Variants in THSD1 observed in about 807,000 individuals in gnomAD.
THSD1 encodes thrombospondin type-1 domain-containing protein 1.
A neutral mutation model predicts 46.3 loss-of-function variants in THSD1; 34 were observed. That is an observed-to-expected ratio of 0.74 (90% CI 0.56 to 0.98). The LOEUF (loss-of-function observed/expected upper bound fraction) is 0.98, where lower values mean the gene tolerates loss of function less well. Ranked by LOEUF, THSD1 falls within the 50% of genes least tolerant of loss-of-function variation. The probability of loss-of-function intolerance (pLI) is 0.00; values close to 1 mark genes in which losing one functional copy is unlikely to be tolerated. For synonymous variants in THSD1, 407 were observed against 416.5 expected, an observed-to-expected ratio of 0.98 and a Z score of 0.28; for missense variants, 1,023 against 1,058.3, an observed-to-expected ratio of 0.97 and a Z score of 0.46.
chr13:52,377,702 G>T lies in THSD1; in HGVS notation c.2268C>A (p.Pro756=). 6.2e-6 allele frequency: 10 copies of T among 1,612,060 alleles called. No individual in the cohort carries two copies. Among genetic ancestry groups the T allele is most frequent in the Non-Finnish European group, 8.5e-6 (10 of 1,178,498 alleles). Residue 756 remains proline (P), a synonymous_variant, in exon 5 of 5, where the codon CCC becomes CCA. Transcript: ENST00000258613. ...GGGACGGTCCCCGACGAGCTCTGTGGGGCTCTGTTCTCTCAATTCCGGCCA... is the reference window on the plus strand; with the variant it reads ...GGGACGGTCCCCGACGAGCTCTGTGTGGCTCTGTTCTCTCAATTCCGGCCA... ...GLVAGIERTE[P]HRARRGPSPS...
At chr13:52,392,182 ACTC>A (rs1335396928) in intron 3 of THSD1, among the ~76,000 whole-genome samples, 1 of 109,688 alleles carries the variant, frequency 9.1e-6, no homozygotes, top group Non-Finnish European at 1.8e-5. Context: ...AGAGAGTGAG[ACTC>A]CTCTCAAAAA....
intron 3 of THSD1, among the ~76,000 whole-genome samples, chr13:52,390,454 A>G (rs1440631920): frequency 6.6e-6 from 1 of 152,204 alleles, no homozygotes; most frequent in Non-Finnish European, 1.5e-5. Flanking sequence ...AGTATCCTGG[A>G]CCAACATCAA....
In THSD1 at chr13:52,382,856, G is replaced by C. The variant is rs1274449374; in HGVS notation, c.1180+3172C>G. Among the ~76,000 whole-genome samples the C allele has an allele frequency of 2.6e-5, 4 of 152,062 alleles. No homozygotes were observed. In the South Asian group the frequency reaches 6.2e-4, roughly 24 times the overall value. On this transcript the variant is annotated intron_variant, in intron 4 of 4. Transcript: ENST00000258613. ...TCTCTACTAAAAATACAAAAACTTA[G>C]CCGGGTGTGGTGGTGTGCACCTGTA...
At position 52,377,318 on chromosome 13, in the gene THSD1, C is replaced by T. The variant is rs1450032600; in HGVS notation, c.*93G>A. On this transcript the variant is annotated 3_prime_UTR_variant, in exon 5 of 5. Coordinates refer to ENST00000258613, the MANE Select transcript of THSD1 (RefSeq NM_018676.4). ...CCTCCTCTGTGTGTTACTTCCTCCT[C>T]ACATTCTGTCCTACGGTACAAATAG... The T allele has an allele frequency of 7.1e-7, 1 of 1,413,200 alleles. No individual in the cohort carries two copies. Among genetic ancestry groups the T allele is most frequent in the Admixed American group, 3.0e-5 (1 of 32,854 alleles). The allele number at this position is 1,413,200 out of a possible 1,614,324, so 87.5% of individuals were successfully genotyped here.
chr13:52,397,853 A>C lies in THSD1; in HGVS notation c.400T>G (p.Leu134Val). ...TCTGCTGCCTTGGCACTCCTATTCA[A>C]GTCAACGTGAAAGACAGGCCATTCC... ...KVEWPVFHVD[L>V]NRSAKAAEGT... Residue 134 changes from leucine to valine, a missense_variant, in exon 3 of 5, where the codon TTG (leucine) becomes GTG (valine). Physicochemically the swap from Leu to Val is conservative, Grantham distance 32. Around this residue, in one of 3 missense-constraint regions of THSD1, gnomAD observed 429 missense variants for 518.3 expected, o/e 0.83. Transcript: ENST00000258613. 3 of 1,614,250 alleles carry C rather than the reference A, an allele frequency of 1.9e-6. No individual in the cohort carries two copies. Among genetic ancestry groups the C allele is most frequent in the Non-Finnish European group, 2.5e-6 (3 of 1,180,052 alleles).
At chr13:52,391,442 T>C (rs1214655392) in intron 3 of THSD1, among the ~76,000 whole-genome samples, 1 of 151,878 alleles carries the variant, frequency 6.6e-6, no homozygotes, top group Non-Finnish European at 1.5e-5. Context: ...GGTCTCAAAC[T>C]CCTGAGCTCA....
At chr13:52,393,991 C>T (rs1957791918) in intron 3 of THSD1, among the ~76,000 whole-genome samples, 1 of 152,136 alleles carries the variant, frequency 6.6e-6, no homozygotes, top group Non-Finnish European at 1.5e-5. Flanking sequence ...CTGCCCCCAG[C>T]CCTATTGTTC....
intron 1 of THSD1, among the ~76,000 whole-genome samples, chr13:52,403,119 C>T (rs889483439): frequency 7.2e-5 from 11 of 152,216 alleles, no homozygotes; most frequent in Middle Eastern, 3.4e-3. Context: ...CCAAATGCTC[C>T]CTGCCTGGCG....
At position 52,386,092 on chromosome 13, in the gene THSD1, G is replaced by A. The variant is rs1411761809; in HGVS notation, c.1116C>T (p.Pro372=). The A allele has an allele frequency of 5.0e-6, 8 of 1,613,992 alleles. No individual in the cohort carries two copies. Among genetic ancestry groups the A allele is most frequent in the Non-Finnish European group, 5.1e-6 (6 of 1,180,002 alleles). Residue 372 remains proline (P), a synonymous_variant, in exon 4 of 5, where the codon CCC becomes CCT. Coordinates refer to ENST00000258613, the MANE Select transcript of THSD1 (RefSeq NM_018676.4). ...ERRRVCLTSF[P]SSPVCPGMSL... ...ACATTCCAGGGCAGACAGGACTGGA[G>A]GGGAAGGAAGTGAGACACACTCGGC...
Position 52,402,633 on chromosome 13 carries a change from C to A in THSD1, c.-33G>T. 1 of 1,612,348 alleles carries A rather than the reference C, an allele frequency of 6.2e-7. No individual in the cohort carries two copies. Among genetic ancestry groups the A allele is most frequent in the South Asian group, 1.1e-5 (1 of 90,678 alleles). On this transcript the variant is annotated 5_prime_UTR_variant, in exon 2 of 5. It adds an upstream start codon to the 5' untranslated region. Transcript: ENST00000258613. ...GACAAAATCCCAGGTCTTTAGTCTC[C>A]TCATGTCCTTTCTCACGTCCAGATT...
intron 4 of THSD1, among the ~76,000 whole-genome samples, chr13:52,379,640 C>T (rs936908470): frequency 1.3e-5 from 2 of 151,986 alleles, no homozygotes; most frequent in Non-Finnish European, 2.9e-5. Context: ...ACCCCTGGCT[C>T]ATTTTTTAAT....
chr13:52,385,307 T>G (rs1957722524), intron 4 of THSD1, among the ~76,000 whole-genome samples: 1 of 152,112 alleles, frequency 6.6e-6, no homozygotes, highest in Non-Finnish European at 1.5e-5. Flanking sequence ...GGATGGTGTG[T>G]GGAAAAAGCA....
Position 52,378,582 on chromosome 13 carries a change from G to A in THSD1, c.1388C>T (p.Ser463Leu). ...SIHSPSFRKN[S>L]DEENICELSE... ...CAGCTCGCAGATATTCTCCTCGTCC[G>A]AGTTCTTCCGGAAGCTGGGGGAGTG... The change falls in exon 5 of 5, where the codon TCG becomes TTG. Residue 463 changes from serine to leucine, a missense_variant. Physicochemically the swap from Ser to Leu is moderately radical, Grantham distance 145. Coordinates refer to ENST00000258613, the MANE Select transcript of THSD1 (RefSeq NM_018676.4). The A allele has an allele frequency of 6.2e-7, 1 of 1,614,108 alleles. No individual in the cohort carries two copies. The highest frequency in any genetic ancestry group is 1.1e-5 in the South Asian group (1 of 91,074).
intron 4 of THSD1, among the ~76,000 whole-genome samples, chr13:52,384,951 GAGAA>G (rs1957719975): frequency 6.6e-6 from 1 of 152,028 alleles, no homozygotes; most frequent in Non-Finnish European, 1.5e-5. Context: ...AAAAAAATAG[GAGAA>G]AGAATAATGT....
chr13:52,402,505 T>C, intron 2 of THSD1, 38 bp downstream of exon 2: 1 of 1,590,176 alleles, frequency 6.3e-7, no homozygotes, highest in Non-Finnish European at 8.6e-7. Context: ...TTATGTCTTA[T>C]TGCTACCAGT....
chr13:52,403,027 A>G (rs1957876769), intron 1 of THSD1: 1 of 809,700 alleles, frequency 1.2e-6, no homozygotes, highest in Admixed American at 6.2e-5. Context: ...ACATTTTCAC[A>G]TTATTTATCT....
intron 1 of THSD1, among the ~76,000 whole-genome samples, chr13:52,404,326 G>A (rs1264231522): frequency 6.6e-6 from 1 of 152,026 alleles, no homozygotes; most frequent in Admixed American, 6.6e-5. Context: ...ACAAATTAGT[G>A]GAATTAAGAA....
intron 3 of THSD1, among the ~76,000 whole-genome samples, chr13:52,393,393 C>T (rs1191094692): frequency 2.6e-5 from 4 of 152,166 alleles, no homozygotes; most frequent in African/African-American, 4.8e-5. Context: ...TTGTTATTTA[C>T]ATATTATCCT....
chr13:52,405,719 C>CT (rs944801547), intron 1 of THSD1, among the ~76,000 whole-genome samples: 1 of 152,196 alleles, frequency 6.6e-6, no homozygotes, highest in African/African-American at 2.4e-5. Context: ...GAAAGGATTT[C>CT]TTTTTGGAAA....
Sources: gnomAD v4.1 joint callset for allele counts (sites outside exome capture counted in the v4.1 genomes callset) on GRCh38, gnomAD v4.1.1 for gene constraint, gnomAD v4.1.1 regional missense constraint, MANE v1.5 for transcripts, NCBI Gene and HGNC (gene_info 2026-07-23, HGNC 2026-07-21) for gene names.